The following MECOM variants were observed in gnomAD, a reference collection of about 807,000 sequenced individuals.
The protein encoded by MECOM is histone-lysine N-methyltransferase MECOM.
A neutral mutation model predicts 116.3 loss-of-function variants in MECOM; 13 were observed. The observed-to-expected ratio is 0.11, with a 90% CI of 0.07 to 0.18. MECOM has a LOEUF of 0.18. Ranked by LOEUF, MECOM falls within the 10% of genes least tolerant of loss-of-function variation. The pLI, the probability that MECOM is intolerant of heterozygous loss-of-function variation, is 1.00. For missense variants in MECOM, 1,299 were observed against 1,509.0 expected (o/e 0.86, Z 2.31); for synonymous variants, 528 against 535.2 (o/e 0.99, Z 0.19).
chr3:169,114,991 C>G (rs1050217061), intron 8 of MECOM, among the ~76,000 whole-genome samples: 2 of 151,926 alleles, frequency 1.3e-5, no homozygotes, highest in African/African-American at 4.8e-5. Flanking sequence ...GTTAGATATC[C>G]CCCCCATTCC....
chr3:169,459,270 T>G lies in MECOM; in HGVS notation c.38-77746A>C, dbSNP rs534093966. ...GTGCAGTGAGGTTCTAGGGATTGATTTGAAATTTACAACCTGACTATTTCT... is the reference window on the plus strand; with the variant it reads ...GTGCAGTGAGGTTCTAGGGATTGATGTGAAATTTACAACCTGACTATTTCT... On this transcript the variant is annotated intron_variant, in intron 1 of 16. Transcript: ENST00000651503. Among the ~76,000 whole-genome samples, 10 of 152,348 alleles carry G rather than the reference T, an allele frequency of 6.6e-5. No homozygotes were observed. The East Asian group carries it at 9.6e-4, about 15-fold the overall frequency.
intron 8 of MECOM, among the ~76,000 whole-genome samples, chr3:169,114,123 C>T (rs1469522797): frequency 6.6e-6 from 1 of 152,150 alleles, no homozygotes; most frequent in East Asian, 1.9e-4. Flanking sequence ...TGAGACACAT[C>T]ATTGAGTTGG....
intron 1 of MECOM, among the ~76,000 whole-genome samples, chr3:169,585,599 A>G (rs1182062987): frequency 6.6e-6 from 1 of 152,216 alleles, no homozygotes; most frequent in Non-Finnish European, 1.5e-5. Context: ...ATAGACACCT[A>G]TAAGGTTATA....
chr3:169,410,453 C>G (rs1737365631), intron 1 of MECOM, among the ~76,000 whole-genome samples: 1 of 152,150 alleles, frequency 6.6e-6, no homozygotes, highest in Admixed American at 6.5e-5. Flanking sequence ...CTTATTGTGT[C>G]CTTTGTACCC....
chr3:169,522,976 A>G (rs1757528582), intron 1 of MECOM, among the ~76,000 whole-genome samples: 1 of 152,232 alleles, frequency 6.6e-6, no homozygotes, highest in Non-Finnish European at 1.5e-5. Context: ...TGTTTGCAAG[A>G]CTTCCCCAAC....
intron 1 of MECOM, among the ~76,000 whole-genome samples, chr3:169,586,287 G>A (rs535249405): frequency 6.6e-6 from 1 of 152,274 alleles, no homozygotes; most frequent in African/African-American, 2.4e-5. Flanking sequence ...ACCACACTCT[G>A]CATTCAAATT....
In MECOM at chr3:169,472,533, A is replaced by AAAAGAAAAGAAAAGG. The variant is rs1160223015; in HGVS notation, c.38-91010_38-91009insCCTTTTCTTTTCTTT. 5.5e-4 allele frequency among the ~76,000 whole-genome samples: 47 copies of AAAAGAAAAGAAAAGG among 85,160 alleles called. 3 individuals are homozygous for AAAAGAAAAGAAAAGG. The highest frequency in any genetic ancestry group is 4.1e-3 in the Admixed American group (33 of 8,062). 55.9% of individuals were successfully genotyped at this position (85,160 alleles called of 152,430 possible). A position where few individuals can be genotyped will look rare whatever the true frequency, so the allele number is the denominator to read the frequency against. On this transcript the variant is annotated intron_variant, in intron 1 of 16. Coordinates refer to ENST00000651503, the MANE Select transcript of MECOM (RefSeq NM_004991.4). ...GAAAGGAAAGGAAAGAAAAGAAAAG[A>AAAAGAAAAGAAAAGG]AAAGGAAAGGAAAGGAAAAGAAAAG... is the stretch of plus-strand genomic sequence containing the variant.
At chr3:169,225,619 T>C (rs1752635558) in intron 2 of MECOM, among the ~76,000 whole-genome samples, 1 of 152,198 alleles carries the variant, frequency 6.6e-6, no homozygotes, top group Non-Finnish European at 1.5e-5. Flanking sequence ...ATTTGTTTGC[T>C]TGTTTGTTTT....
intron 1 of MECOM, among the ~76,000 whole-genome samples, chr3:169,454,806 T>C (rs1009387913): frequency 1.3e-5 from 2 of 152,196 alleles, no homozygotes; most frequent in Admixed American, 6.5e-5. Context: ...GAAAATAGCA[T>C]GGCAAAAAAC....
At chr3:169,131,944 T>C in intron 3 of MECOM, 1 of 995,856 alleles carries the variant, frequency 1.0e-6, no homozygotes, top group Non-Finnish European at 1.2e-6. Flanking sequence ...ACCTTGTACC[T>C]TCCCCACTTA....
rs1159428318 is a variant in MECOM at position 169,378,514 on chromosome 3, A to AAAAG, written c.375+2669_375+2672dup. 5.9e-3 allele frequency among the ~76,000 whole-genome samples: 159 copies of AAAAG among 26,808 alleles called. 7 individuals are homozygous for AAAAG. The highest frequency in any genetic ancestry group is 0.045 in the Middle Eastern group (2 of 44). The allele number at this position is 26,808 out of a possible 152,430, so 17.6% of individuals were successfully genotyped here. A position where few individuals can be genotyped will look rare whatever the true frequency, so the allele number is the denominator to read the frequency against. ...GAAAGAAAGAAAGAAAGAAAGAAAG[A>AAAAG]AAAGAAAGAAAGAAAGAAAGAAAGA... On this transcript the variant is annotated intron_variant, in intron 2 of 16. Transcript: ENST00000651503.
chr3:169,548,982 T>C (rs1167996314), intron 1 of MECOM, among the ~76,000 whole-genome samples: 1 of 150,692 alleles, frequency 6.6e-6, no homozygotes, highest in Admixed American at 6.6e-5. Flanking sequence ...TTTTTTTTTT[T>C]TTTTTTTTTG....
chr3:169,452,173 G>A (rs1161307144), intron 1 of MECOM, among the ~76,000 whole-genome samples: 2 of 151,716 alleles, frequency 1.3e-5, no homozygotes, highest in Admixed American at 6.6e-5. Flanking sequence ...CACTACTCAC[G>A]GCCGATGCCC....
chr3:169,134,166 CTT>C (rs550032249), intron 3 of MECOM, among the ~76,000 whole-genome samples: 35 of 152,170 alleles, frequency 2.3e-4, no homozygotes, highest in Non-Finnish European at 3.2e-4. Flanking sequence ...AATCATGTCT[CTT>C]TTAATTCCAT....
Position 169,482,271 on chromosome 3 carries a change from A to T in MECOM, c.38-100747T>A, listed in dbSNP as rs1283178156. Among the ~76,000 whole-genome samples, 3 of 151,312 alleles carry T rather than the reference A, an allele frequency of 2.0e-5. No individual in the cohort carries two copies. In the East Asian group the frequency reaches 5.9e-4, roughly 30 times the overall value. ...ACTGGGGCGTGTACTCGCCTGTGTCATTCACCATGGGGAGGAGCACTGCAG... is the reference window on the plus strand; with the variant it reads ...ACTGGGGCGTGTACTCGCCTGTGTCTTTCACCATGGGGAGGAGCACTGCAG... On this transcript the variant is annotated intron_variant, in intron 1 of 16. Transcript: ENST00000651503.
chr3:169,642,823 C>T (rs9809282), intron 1 of MECOM, among the ~76,000 whole-genome samples: 4,785 of 152,028 alleles, frequency 0.031, 257 homozygotes, highest in African/African-American at 0.11. Context: ...CAGTAAGTCT[C>T]CTTGGCCAAC....
chr3:169,110,951 A>T (rs751287748), intron 9 of MECOM, among the ~76,000 whole-genome samples: 8 of 152,156 alleles, frequency 5.3e-5, no homozygotes, highest in Admixed American at 2.6e-4. Context: ...ATCCTTAATT[A>T]ACTTTGGGAA....
chr3:169,173,745 T>C (rs1744770439), intron 2 of MECOM, among the ~76,000 whole-genome samples: 1 of 152,196 alleles, frequency 6.6e-6, no homozygotes, highest in African/African-American at 2.4e-5. Flanking sequence ...GTACTTTATC[T>C]TGTGTAAAAA....
At chr3:169,421,510 T>C (rs897953844) in intron 1 of MECOM, among the ~76,000 whole-genome samples, 1 of 152,112 alleles carries the variant, frequency 6.6e-6, no homozygotes, top group Non-Finnish European at 1.5e-5. Flanking sequence ...GTGCATCTTT[T>C]ACATGGTCTC....
Sources: gnomAD v4.1 joint callset for allele counts (sites outside exome capture counted in the v4.1 genomes callset) on GRCh38, gnomAD v4.1.1 for gene constraint, MANE v1.5 for transcripts, NCBI Gene and HGNC (gene_info 2026-07-23, HGNC 2026-07-21) for gene names.